The following SYNE1 variants were observed in gnomAD, a reference collection of about 807,000 sequenced individuals.
The protein encoded by SYNE1 is spectrin repeat containing nuclear envelope protein 1.
Under a neutral mutation model 1,111.0 loss-of-function variants are expected in SYNE1, and 616 were observed. That is an observed-to-expected ratio of 0.55 (90% CI 0.52 to 0.59). The LOEUF (loss-of-function observed/expected upper bound fraction) is 0.59, where lower values mean the gene tolerates loss of function less well. Among genes scored for constraint, SYNE1 ranks in the 20% least tolerant of loss-of-function variants. The pLI, the probability that SYNE1 is intolerant of heterozygous loss-of-function variation, is 0.00. For synonymous variants in SYNE1, 3,855 were observed against 3,825.8 expected, an observed-to-expected ratio of 1.01 and a Z score of -0.28; for missense variants, 10,006 against 10,417.0, an observed-to-expected ratio of 0.96 and a Z score of 1.72.
At chr6:152,519,379 C>G (rs148569627) in intron 6 of SYNE1, among the ~76,000 whole-genome samples, 1 of 152,174 alleles carries the variant, frequency 6.6e-6, no homozygotes, top group East Asian at 1.9e-4. Context: ...AAATAAAAAT[C>G]TGCTTGAAAA....
intron 130 of SYNE1, among the ~76,000 whole-genome samples, chr6:152,168,706 C>T (rs981686778): frequency 2.6e-5 from 4 of 152,008 alleles, no homozygotes; most frequent in Admixed American, 2.0e-4. Flanking sequence ...TATGCCAGCT[C>T]GGTAGTGTAT....
intron 5 of SYNE1, among the ~76,000 whole-genome samples, chr6:152,522,425 G>T (rs1393455343): frequency 1.3e-5 from 2 of 152,060 alleles, no homozygotes; most frequent in African/African-American, 4.8e-5. Flanking sequence ...TTCCATGGTT[G>T]TATATATATC....
At position 152,318,919 on chromosome 6, in the gene SYNE1, G is replaced by A; in HGVS notation, c.16333C>T (p.Leu5445=). 1 of 1,614,194 alleles carries A rather than the reference G, an allele frequency of 6.2e-7. No homozygotes were observed. Among genetic ancestry groups the A allele is most frequent in the Non-Finnish European group, 8.5e-7 (1 of 1,180,040 alleles). ...TCTGTCTTCGCTTTCAGCTTAGTTA[G>A]AATAGTTGTGAGGTCTTTAGCTAAC... ...QKLAKDLTTI[L]TKLKAKTDNV... Residue 5445 remains leucine (L), a synonymous_variant, in exon 85 of 146, where the codon CTA becomes TTA. Transcript: ENST00000367255.
chr6:152,502,481 T>C, intron 10 of SYNE1, 152 bp downstream of exon 10: 1 of 712,182 alleles, frequency 1.4e-6, no homozygotes, highest in Admixed American at 2.0e-5. Flanking sequence ...CCCTTTCCTC[T>C]AATCATCACC....
intron 93 of SYNE1, among the ~76,000 whole-genome samples, chr6:152,295,776 A>T (rs541185426): frequency 6.6e-6 from 1 of 152,046 alleles, no homozygotes; most frequent in South Asian, 2.1e-4. Context: ...CTTAAACCTG[A>T]CTCTCCCACA....
intron 42 of SYNE1, among the ~76,000 whole-genome samples, chr6:152,411,483 G>T (rs214980): frequency 0.48 from 72,802 of 151,844 alleles, 19,190 homozygotes; most frequent in East Asian, 0.75. Flanking sequence ...TCTACAAAAA[G>T]TCTGTGGGCG....
intron 97 of SYNE1, among the ~76,000 whole-genome samples, chr6:152,279,362 ATAAAG>A (rs1390873515): frequency 6.6e-6 from 1 of 151,806 alleles, no homozygotes; most frequent in Non-Finnish European, 1.5e-5. Context: ...TTTATATTAA[ATAAAG>A]TAATTTGTTA....
chr6:152,299,022 C>T (rs1276341074), intron 93 of SYNE1, among the ~76,000 whole-genome samples: 1 of 152,138 alleles, frequency 6.6e-6, no homozygotes, highest in Non-Finnish European at 1.5e-5. Flanking sequence ...AGCCTAATCT[C>T]ACTGAGTTTT....
At position 152,382,594 on chromosome 6, in the gene SYNE1, C is replaced by A. The variant is rs573824267; in HGVS notation, c.8653-1232G>T. Among the ~76,000 whole-genome samples, 45 of 151,896 alleles carry A rather than the reference C, an allele frequency of 3.0e-4. No individual in the cohort carries two copies. The South Asian group carries it at 8.9e-3, about 30-fold the overall frequency. On this transcript the variant is annotated intron_variant, in intron 55 of 145. Coordinates refer to ENST00000367255, the MANE Select transcript of SYNE1 (RefSeq NM_182961.4). ...ACACAGCATGATATGTATATTCAACCTTCTCAGCAGCAGGATTCTAAAAAC... is the reference window on the plus strand; with the variant it reads ...ACACAGCATGATATGTATATTCAACATTCTCAGCAGCAGGATTCTAAAAAC...
chr6:152,318,797 A>T, intron 85 of SYNE1, 66 bp downstream of exon 85: 2 of 1,591,840 alleles, frequency 1.3e-6, no homozygotes, highest in South Asian at 2.2e-5. Context: ...CTATATCCCC[A>T]AGTAAAACTG....
intron 11 of SYNE1, among the ~76,000 whole-genome samples, chr6:152,492,218 C>T (rs9384000): frequency 0.52 from 79,146 of 152,048 alleles, 22,307 homozygotes; most frequent in East Asian, 0.76. Context: ...ATGCATTTTA[C>T]TACTCAACCC....
chr6:152,155,846 T>A, intron 132 of SYNE1, 64 bp downstream of exon 132: 1 of 1,592,996 alleles, frequency 6.3e-7, no homozygotes, highest in Non-Finnish European at 8.6e-7. Context: ...GTGGATACTC[T>A]GGGTGATTTT....
At chr6:152,143,994 A>C in intron 137 of SYNE1, 1 of 564,658 alleles carries the variant, frequency 1.8e-6, no homozygotes, top group Non-Finnish European at 3.2e-6. Context: ...GACGTCGCAA[A>C]ACGGCTCTCC....
At chr6:152,153,676 A>G (rs1045176981) in intron 133 of SYNE1, among the ~76,000 whole-genome samples, 2 of 152,226 alleles carry the variant, frequency 1.3e-5, no homozygotes, top group Non-Finnish European at 2.9e-5. Context: ...ATGACCTGGA[A>G]TCTACTGCAG....
chr6:152,256,964 AT>A (rs572443501), intron 101 of SYNE1, among the ~76,000 whole-genome samples, 199 bp from the exon 102 acceptor site: 97 of 147,612 alleles, frequency 6.6e-4, no homozygotes, highest in African/African-American at 4.9e-4. Context: ...CCATGGATGG[AT>A]TTTTTTTTTT....
At chr6:152,570,795 A>T (rs2099449338) in intron 3 of SYNE1, among the ~76,000 whole-genome samples, 1 of 152,220 alleles carries the variant, frequency 6.6e-6, no homozygotes, top group African/African-American at 2.4e-5. Context: ...TCATGGTAAG[A>T]AGTCTTTCTT....
intron 130 of SYNE1, among the ~76,000 whole-genome samples, chr6:152,166,025 A>T (rs1258784300): frequency 6.6e-6 from 1 of 152,204 alleles, no homozygotes; most frequent in Admixed American, 6.5e-5. Context: ...CATCTGTAGG[A>T]ATGTCTTCTC....
At chr6:152,614,075 G>C (rs918679929) in intron 3 of SYNE1, among the ~76,000 whole-genome samples, 3 of 152,090 alleles carry the variant, frequency 2.0e-5, no homozygotes, top group African/African-American at 7.2e-5. Flanking sequence ...CATAGGCATG[G>C]GCAAGGACTT....
chr6:152,529,997 C>G (rs1052617747), intron 4 of SYNE1, among the ~76,000 whole-genome samples: 3 of 152,024 alleles, frequency 2.0e-5, no homozygotes, highest in Non-Finnish European at 4.4e-5. Flanking sequence ...TTGCCAAGGC[C>G]CCAGGACAAA....
Sources: gnomAD v4.1 joint callset for allele counts (sites outside exome capture counted in the v4.1 genomes callset) on GRCh38, gnomAD v4.1.1 for gene constraint, MANE v1.5 for transcripts, NCBI Gene and HGNC (gene_info 2026-07-23, HGNC 2026-07-21) for gene names.